Variants in STK32B observed in about 807,000 individuals in gnomAD.
STK32B encodes the protein serine/threonine-protein kinase 32B.
Under a neutral mutation model 52.6 loss-of-function variants are expected in STK32B, and 43 were observed. The observed-to-expected ratio is 0.82, with a 90% CI of 0.64 to 1.05. The LOEUF is 1.05. STK32B is among the 50% of genes least tolerant of loss of function. The pLI, the probability that STK32B is intolerant of heterozygous loss-of-function variation, is 0.00. For synonymous variants in STK32B, 238 were observed against 204.3 expected (o/e 1.17, Z -1.41); for missense variants, 621 against 534.6 (o/e 1.16, Z -1.59).
chr4:5,301,785 C>T (rs1729576999), intron 3 of STK32B, among the ~76,000 whole-genome samples: 1 of 112,938 alleles, frequency 8.9e-6, no homozygotes, highest in African/African-American at 3.8e-5. Flanking sequence ...TCTTTTATTT[C>T]ATTGAAATAG....
chr4:5,119,540 T>C (rs1024884456), intron 1 of STK32B, among the ~76,000 whole-genome samples: 8 of 152,250 alleles, frequency 5.3e-5, no homozygotes, highest in Non-Finnish European at 8.8e-5. Context: ...ATTTTTTTCC[T>C]CTCAAATATT....
At chr4:5,423,703 A>G (rs1712834564) in intron 6 of STK32B, among the ~76,000 whole-genome samples, 1 of 152,158 alleles carries the variant, frequency 6.6e-6, no homozygotes, top group Admixed American at 6.5e-5. Context: ...TGGTGGGTGC[A>G]CTAGGGAGAT....
intron 2 of STK32B, among the ~76,000 whole-genome samples, chr4:5,161,217 T>A (rs1354690718): frequency 2.6e-5 from 4 of 152,206 alleles, no homozygotes; most frequent in African/African-American, 9.6e-5. Context: ...TGAGACCAAC[T>A]TTTGATCCCT....
intron 3 of STK32B, among the ~76,000 whole-genome samples, chr4:5,238,924 A>G (rs555791309): frequency 6.6e-6 from 1 of 152,362 alleles, no homozygotes; most frequent in South Asian, 2.1e-4. Context: ...TGTAACAGCA[A>G]TTAAAAGAGG....
intron 3 of STK32B, among the ~76,000 whole-genome samples, chr4:5,211,424 A>G (rs911664513): frequency 1.3e-5 from 2 of 152,170 alleles, no homozygotes; most frequent in South Asian, 2.1e-4. Context: ...TAGCAGTATC[A>G]GGAGCCCCCA....
intron 9 of STK32B, among the ~76,000 whole-genome samples, chr4:5,465,066 G>A (rs530852762): frequency 7.2e-5 from 11 of 152,242 alleles, no homozygotes; most frequent in South Asian, 2.1e-4. Context: ...CATTGGTACC[G>A]CGAACCCAAG....
intron 4 of STK32B, among the ~76,000 whole-genome samples, chr4:5,352,393 A>G (rs1407482318): frequency 6.6e-6 from 1 of 152,096 alleles, no homozygotes; most frequent in Non-Finnish European, 1.5e-5. Context: ...AAAATTCAAT[A>G]TCCTTTCATG....
chr4:5,343,628 G>A (rs1264950549), intron 4 of STK32B, among the ~76,000 whole-genome samples: 2 of 152,260 alleles, frequency 1.3e-5, no homozygotes, highest in South Asian at 4.1e-4. Context: ...AACCCTAGAA[G>A]AAAACCTAGG....
At chr4:5,455,896 C>T (rs911006058) in intron 7 of STK32B, among the ~76,000 whole-genome samples, 3 of 152,180 alleles carry the variant, frequency 2.0e-5, no homozygotes, top group South Asian at 4.1e-4. Flanking sequence ...ATTCATCGCT[C>T]AGATTTCTCC....
At chr4:5,088,621 G>C (rs900647442) in intron 1 of STK32B, among the ~76,000 whole-genome samples, 3 of 151,872 alleles carry the variant, frequency 2.0e-5, no homozygotes, top group African/African-American at 7.3e-5. Context: ...TAATTGGATT[G>C]TTTGTAACAC....
At chr4:5,212,455 G>A (rs1426696686) in intron 3 of STK32B, among the ~76,000 whole-genome samples, 1 of 152,184 alleles carries the variant, frequency 6.6e-6, no homozygotes, top group Non-Finnish European at 1.5e-5. Flanking sequence ...TCTGCACTGA[G>A]GTGACTATGT....
At chr4:5,100,164 C>T (rs145396017) in intron 1 of STK32B, among the ~76,000 whole-genome samples, 193 of 152,264 alleles carry the variant, frequency 1.3e-3, no homozygotes, top group African/African-American at 4.5e-3. Context: ...CCTGATGCTG[C>T]TGCAGATTCC....
chr4:5,322,882 A>C (rs148828267), intron 3 of STK32B, among the ~76,000 whole-genome samples: 2 of 152,150 alleles, frequency 1.3e-5, no homozygotes, highest in Non-Finnish European at 2.9e-5. Flanking sequence ...CGTGTATTTC[A>C]TGTGTTATCA....
At chr4:5,384,212 G>A (rs548097314) in intron 4 of STK32B, among the ~76,000 whole-genome samples, 13 of 152,288 alleles carry the variant, frequency 8.5e-5, no homozygotes, top group East Asian at 1.9e-4. Context: ...TTTACTCTAC[G>A]GAGAAGTCCC....
rs1365386550 is a variant in STK32B at position 5,399,854 on chromosome 4, C to G, written c.472+1610C>G. ...GTAGATAACTCGCCCTCTTCCTGTCCCCTTTCTCTGCTCAGGGCCAGGCAA... is the reference window on the plus strand; with the variant it reads ...GTAGATAACTCGCCCTCTTCCTGTCGCCTTTCTCTGCTCAGGGCCAGGCAA... On this transcript the variant is annotated intron_variant, in intron 5 of 11. Transcript: ENST00000282908. The surrounding 1 kb of genome is among the most constrained non-coding windows in gnomAD (Gnocchi z 5.4). Among the ~76,000 whole-genome samples, 3 of 152,146 alleles carry G rather than the reference C, an allele frequency of 2.0e-5. No homozygotes were observed. Among genetic ancestry groups the G allele is most frequent in the Non-Finnish European group, 2.9e-5 (2 of 68,028 alleles).
chr4:5,296,837 T>C lies in STK32B; in HGVS notation c.261-34383T>C, dbSNP rs532147317. ...CTAGCTGGTTATTTTGCACATTAGT[T>C]GATTCAGTTTCTTCATAGTGTCATT... is the stretch of plus-strand genomic sequence containing the variant. On this transcript the variant is annotated intron_variant, in intron 3 of 11. Coordinates refer to ENST00000282908, the MANE Select transcript of STK32B (RefSeq NM_018401.3). Among the ~76,000 whole-genome samples, 2 of 152,330 alleles carry C rather than the reference T, an allele frequency of 1.3e-5. 1 individual carries two copies. Among genetic ancestry groups the C allele is most frequent in the South Asian group, 4.1e-4 (2 of 4,830 alleles).
intron 1 of STK32B, among the ~76,000 whole-genome samples, chr4:5,065,006 CCTT>C (rs904886216): frequency 9.9e-5 from 15 of 151,682 alleles, no homozygotes; most frequent in African/African-American, 3.2e-4. Flanking sequence ...TGTTCCTTCT[CCTT>C]CTTCTTTGCA....
chr4:5,426,427 G>A (rs150632349), intron 6 of STK32B, among the ~76,000 whole-genome samples: 23 of 152,106 alleles, frequency 1.5e-4, no homozygotes, highest in Non-Finnish European at 2.4e-4. Context: ...TATTTTGGCC[G>A]GGTGTGGTGG....
At chr4:5,377,171 G>A (rs185852582) in intron 4 of STK32B, among the ~76,000 whole-genome samples, 3 of 152,186 alleles carry the variant, frequency 2.0e-5, no homozygotes, top group East Asian at 1.9e-4. Flanking sequence ...GGTATGGTGC[G>A]GTGCATCTAG....
Sources: allele counts gnomAD v4.1 joint callset (sites outside exome capture counted in the v4.1 genomes callset), GRCh38; gene constraint gnomAD v4.1.1; non-coding constraint Gnocchi (gnomAD v3.1); transcripts MANE v1.5; gene names NCBI Gene and HGNC (gene_info 2026-07-23, HGNC 2026-07-21).